Variants in ICMT observed in about 807,000 individuals in gnomAD.
The protein encoded by ICMT is isoprenylcysteine carboxyl methyltransferase.
ICMT carries 10 observed loss-of-function variants against 32.2 expected under a neutral mutation model. The observed-to-expected ratio is 0.31, with a 90% confidence interval of 0.19 to 0.53. The LOEUF (loss-of-function observed/expected upper bound fraction) is 0.53. Ranked by LOEUF, ICMT falls within the 20% of genes least tolerant of loss-of-function variation. ICMT has a pLI of 0.96. For synonymous variants in ICMT, 183 were observed against 158.2 expected (o/e 1.16, Z -1.18); for missense variants, 265 against 356.9 (o/e 0.74, Z 2.07).
chr1:6,229,061 C>A (rs1039398930), intron 4 of ICMT, among the ~76,000 whole-genome samples: 1 of 136,476 alleles, frequency 7.3e-6, no homozygotes, highest in Non-Finnish European at 1.6e-5. Flanking sequence ...AAAAGAAATA[C>A]ATGTGGTGGC....
intron 4 of ICMT, 33 bp downstream of exon 4, chr1:6,231,869 A>T (rs1202473975): frequency 7.3e-7 from 1 of 1,365,808 alleles, no homozygotes; most frequent in Admixed American, 2.3e-5. Context: ...AAAAAAAAAA[A>T]AAAGAAAAGC....
chr1:6,230,646 T>C (rs1449381661), intron 4 of ICMT, among the ~76,000 whole-genome samples: 2 of 150,120 alleles, frequency 1.3e-5, no homozygotes, highest in South Asian at 2.1e-4. Flanking sequence ...TCCCAGCACT[T>C]TGGGAGGCCG....
chr1:6,235,734 G>A lies in ICMT; in HGVS notation c.178C>T (p.Arg60Trp). 2 of 1,307,770 alleles carry A rather than the reference G, an allele frequency of 1.5e-6. No homozygotes were observed. Among genetic ancestry groups the A allele is most frequent in the Non-Finnish European group, 2.0e-6 (2 of 1,018,772 alleles). The allele number at this position is 1,307,770 out of a possible 1,614,324, so 81.0% of individuals were successfully genotyped here. ...GCCTGCACCTGGTAGCGAGGCGGCC[G>A]ATAGAGCAGCAGCAGCAGCGCGTTG... ...GLNALLLLLY[R>W]PPRYQIAIRA... The change falls in exon 1 of 5, where the codon CGG becomes TGG. Residue 60 changes from arginine to tryptophan, a missense_variant. By Grantham distance (101) the Arg-to-Trp change is moderately radical. Around this residue, in one of 2 missense-constraint regions of ICMT, gnomAD observed 99 missense variants for 92.6 expected, o/e 1.07. Transcript: ENST00000343813.
Position 6,233,647 on chromosome 1 carries a change from T to C in ICMT, c.285-4A>G. On this transcript the variant is annotated splice_polypyrimidine_tract_variant and splice_region_variant and intron_variant, in intron 2 of 4. Transcript: ENST00000343813. ...CAATGACAGGGAGCACATGTACCTA[T>C]TTAAAGACAAAAAGAGAGTTAAGTT... The C allele has an allele frequency of 6.2e-7, 1 of 1,606,616 alleles. No individual in the cohort carries two copies. Among genetic ancestry groups the C allele is most frequent in the Non-Finnish European group, 8.5e-7 (1 of 1,177,458 alleles).
rs887911942 is a variant in ICMT at position 6,224,887 on chromosome 1, A to C, written c.*193T>G. On this transcript the variant is annotated 3_prime_UTR_variant, in exon 5 of 5. Coordinates refer to ENST00000343813, the MANE Select transcript of ICMT (RefSeq NM_012405.4). The stretch of plus-strand genomic sequence containing the variant: ...CACCCATGTTCCGCCTTGATTCGGC[A>C]TAAGGACAGACTGCTCCAGTGGGGC... The C allele has an allele frequency of 3.3e-6, 2 of 611,442 alleles. No homozygotes were observed. Among genetic ancestry groups the C allele is most frequent in the Non-Finnish European group, 5.8e-6 (2 of 347,420 alleles). The allele number at this position is 611,442 out of a possible 1,614,324, so 37.9% of individuals were successfully genotyped here.
chr1:6,226,301 C>G (rs2100960797), intron 4 of ICMT, among the ~76,000 whole-genome samples: 1 of 152,246 alleles, frequency 6.6e-6, no homozygotes. Context: ...GAGGCTGAGG[C>G]AGGAGAATTG....
intron 4 of ICMT, among the ~76,000 whole-genome samples, chr1:6,226,500 TG>T (rs911535898): frequency 5.3e-5 from 8 of 152,204 alleles, no homozygotes; most frequent in Non-Finnish European, 1.0e-4. Context: ...ACCTGCCCAC[TG>T]GTCCCCTGTG....
In ICMT at chr1:6,225,277, C is replaced by T; in HGVS notation, c.673-15G>A. ...CACAGCATCACCTAACAGAGGGAGA[C>T]ACCAGGCTCATCAGGGTGACCGTGG... On this transcript the variant is annotated splice_polypyrimidine_tract_variant and intron_variant, in intron 4 of 4. Coordinates refer to ENST00000343813, the MANE Select transcript of ICMT (RefSeq NM_012405.4). The T allele has an allele frequency of 6.2e-7, 1 of 1,609,612 alleles. No homozygotes were observed. Among genetic ancestry groups the T allele is most frequent in the East Asian group, 2.2e-5 (1 of 44,848 alleles).
intron 4 of ICMT, among the ~76,000 whole-genome samples, chr1:6,226,990 G>T (rs1294550147): frequency 2.0e-5 from 3 of 152,212 alleles, no homozygotes; most frequent in South Asian, 4.1e-4. Flanking sequence ...GCTTGCTGGG[G>T]ATACCCTACA....
intron 4 of ICMT, among the ~76,000 whole-genome samples, chr1:6,231,209 ACAAGGCCTTTTCTTCAGC>A: frequency 6.6e-6 from 1 of 152,174 alleles, no homozygotes; most frequent in Non-Finnish European, 1.5e-5. Flanking sequence ...AAGAAACGAA[ACAAGGCCTTTTCTTCAGC>A]CTGAGACAGA....
intron 3 of ICMT, 30 bp downstream of exon 3, chr1:6,233,444 C>A: frequency 6.3e-7 from 1 of 1,593,852 alleles, no homozygotes; most frequent in South Asian, 1.1e-5. Context: ...ACCCTTTTCC[C>A]CTCCAGAGGG....
chr1:6,228,200 G>A (rs1668674191), intron 4 of ICMT, among the ~76,000 whole-genome samples: 1 of 152,146 alleles, frequency 6.6e-6, no homozygotes, highest in Middle Eastern at 3.2e-3. Flanking sequence ...GCCCAGACTG[G>A]AGTACAGCAG....
At chr1:6,230,327 C>A (rs1359035492) in intron 4 of ICMT, among the ~76,000 whole-genome samples, 1 of 152,160 alleles carries the variant, frequency 6.6e-6, no homozygotes, top group Non-Finnish European at 1.5e-5. Flanking sequence ...GTTGGCTAGG[C>A]TTGTCTCAAA....
chr1:6,235,509 T>G (rs115156943), intron 1 of ICMT, among the ~76,000 whole-genome samples: 3,456 of 152,164 alleles, frequency 0.023, 82 homozygotes, highest in South Asian at 0.056. Flanking sequence ...CCTGCTGAGC[T>G]GCACAAGCTG....
In ICMT at chr1:6,232,028, G is replaced by A; in HGVS notation, c.546C>T (p.Gly182=). The A allele has an allele frequency of 6.2e-7, 1 of 1,614,104 alleles. No individual in the cohort carries two copies. Among genetic ancestry groups the A allele is most frequent in the Non-Finnish European group, 8.5e-7 (1 of 1,180,018 alleles). The change falls in exon 4 of 5, where the codon GGC becomes GGT. Residue 182 remains glycine (G), a synonymous_variant. Transcript: ENST00000343813. ...TCTGTACCACGTGGTTGAAATTGGA[G>A]CCAGCTGTAAACATGGCCGCCTTCC... ...CLRKAAMFTA[G]SNFNHVVQNE...
intron 4 of ICMT, 141 bp from the exon 5 acceptor site, chr1:6,225,403 T>C (rs1668630801): frequency 2.7e-6 from 2 of 751,976 alleles, no homozygotes; most frequent in South Asian, 1.8e-5. Context: ...AGCAGTACTG[T>C]CACCTTAGCC....
intron 4 of ICMT, among the ~76,000 whole-genome samples, chr1:6,226,931 G>A (rs1351411850): frequency 6.6e-6 from 1 of 152,182 alleles, no homozygotes; most frequent in Non-Finnish European, 1.5e-5. Context: ...TCAGAATCAG[G>A]ACTGGCCCAG....
Position 6,224,024 on chromosome 1 carries a change from G to A in ICMT, c.*1056C>T, listed in dbSNP as rs547780085. The A allele has an allele frequency of 6.6e-6, 1 of 152,184 alleles. No individual in the cohort carries two copies. The highest frequency in any genetic ancestry group is 1.5e-5 in the Non-Finnish European group (1 of 68,036). 9.4% of individuals were successfully genotyped at this position (152,184 alleles called of 1,614,324 possible). A position where few individuals can be genotyped will look rare whatever the true frequency, so the allele number is the denominator to read the frequency against. Reference sequence around the variant, plus strand: ...TTGCAGTATTTAAGATTATTTTTGAGAGTCAATCTGCTTGGATTTGTAGTT... The same window carrying A: ...TTGCAGTATTTAAGATTATTTTTGAAAGTCAATCTGCTTGGATTTGTAGTT... On this transcript the variant is annotated 3_prime_UTR_variant, in exon 5 of 5. Coordinates refer to ENST00000343813, the MANE Select transcript of ICMT (RefSeq NM_012405.4).
intron 2 of ICMT, chr1:6,234,601 A>C: frequency 6.0e-6 from 3 of 500,426 alleles, no homozygotes; most frequent in East Asian, 4.9e-5. Flanking sequence ...CCTTCCGGGA[A>C]GGGCTGCTCA....
Sources: allele counts gnomAD v4.1 joint callset (sites outside exome capture counted in the v4.1 genomes callset), GRCh38; gene constraint gnomAD v4.1.1; regional missense constraint gnomAD v4.1.1; transcripts MANE v1.5; gene names NCBI Gene and HGNC (gene_info 2026-07-23, HGNC 2026-07-21).